CNTNAP2: variants seen among roughly 807,000 people sequenced by gnomAD.
The protein encoded by CNTNAP2 is contactin associated protein 2.
In CNTNAP2, 98 loss-of-function variants were observed where a neutral mutation model predicts 155.2. The observed-to-expected ratio is 0.63, with a 90% CI of 0.54 to 0.75. The LOEUF (loss-of-function observed/expected upper bound fraction) is 0.75, where lower values mean the gene tolerates loss of function less well. Among genes scored for constraint, CNTNAP2 ranks in the 30% least tolerant of loss-of-function variants. The probability of loss-of-function intolerance (pLI) is 0.00; values close to 1 mark genes in which losing one functional copy is unlikely to be tolerated. For synonymous variants in CNTNAP2, 651 were observed against 631.2 expected (o/e 1.03, Z -0.47); for missense variants, 1,727 against 1,688.1 (o/e 1.02, Z -0.40).
At chr7:146,757,676 G>A (rs1056270198) in intron 1 of CNTNAP2, among the ~76,000 whole-genome samples, 2 of 152,150 alleles carry the variant, frequency 1.3e-5, no homozygotes, top group Admixed American at 1.3e-4. Flanking sequence ...TCTAAATTCA[G>A]GTTCAGAGGC....
intron 13 of CNTNAP2, among the ~76,000 whole-genome samples, chr7:147,762,477 TA>T (rs1232820507): frequency 6.6e-6 from 1 of 151,816 alleles, no homozygotes; most frequent in Non-Finnish European, 1.5e-5. Flanking sequence ...CGGAGGCAAT[TA>T]GATGCACTCA....
intron 3 of CNTNAP2, among the ~76,000 whole-genome samples, chr7:146,936,778 A>G (rs1796924552): frequency 6.6e-6 from 1 of 152,138 alleles, no homozygotes; most frequent in South Asian, 2.1e-4. Flanking sequence ...CTGAACTGTA[A>G]CCAATCCAGT....
chr7:147,915,301 G>C (rs1245657310), intron 14 of CNTNAP2, among the ~76,000 whole-genome samples: 1 of 152,170 alleles, frequency 6.6e-6, no homozygotes, highest in Non-Finnish European at 1.5e-5. Flanking sequence ...CATACCATTA[G>C]CCCTGTAACC....
At chr7:147,805,175 G>A (rs1186070643) in intron 13 of CNTNAP2, among the ~76,000 whole-genome samples, 3 of 151,672 alleles carry the variant, frequency 2.0e-5, no homozygotes, top group Admixed American at 6.6e-5. Flanking sequence ...AGGTTCAAGC[G>A]ATTCTCCTGC....
intron 10 of CNTNAP2, among the ~76,000 whole-genome samples, chr7:147,408,368 G>A (rs1448130956): frequency 2.0e-5 from 3 of 152,190 alleles, no homozygotes; most frequent in Non-Finnish European, 2.9e-5. Flanking sequence ...ACTTGAGTAC[G>A]TGCAGTAAAC....
intron 19 of CNTNAP2, 109 bp from the exon 20 acceptor site, chr7:148,229,537 A>G: frequency 1.4e-6 from 2 of 1,413,908 alleles, no homozygotes; most frequent in Non-Finnish European, 2.0e-6. Flanking sequence ...AAGAAAGAAA[A>G]GAAAAGAAAG....
At position 147,592,686 on chromosome 7, in the gene CNTNAP2, A is replaced by T. The variant is rs1323313651; in HGVS notation, c.1897+30429A>T. ...TAAAATGATATCTGCAACAAATTAC[A>T]TTCTGCTACAAATCCACATTTTCAC... is the stretch of plus-strand genomic sequence containing the variant. On this transcript the variant is annotated intron_variant, in intron 12 of 23. Transcript: ENST00000361727. Among the ~76,000 whole-genome samples, 4 of 152,194 alleles carry T rather than the reference A, an allele frequency of 2.6e-5. No homozygotes were observed. The East Asian group carries it at 7.7e-4, about 29-fold the overall frequency.
chr7:147,241,800 A>G (rs1803944482), intron 8 of CNTNAP2, among the ~76,000 whole-genome samples: 1 of 152,214 alleles, frequency 6.6e-6, no homozygotes, highest in Non-Finnish European at 1.5e-5. Flanking sequence ...GAATTGCTAG[A>G]TAAAATAAGA....
At chr7:148,112,455 C>T (rs1007503042) in intron 15 of CNTNAP2, among the ~76,000 whole-genome samples, 2 of 143,590 alleles carry the variant, frequency 1.4e-5, no homozygotes, top group African/African-American at 4.9e-5. Flanking sequence ...TAGTGTCTTA[C>T]TGTTGCCCAG....
chr7:146,432,726 T>G (rs74552005), intron 1 of CNTNAP2, among the ~76,000 whole-genome samples: 2,848 of 152,244 alleles, frequency 0.019, 238 homozygotes, highest in Admixed American at 0.15. Context: ...AGAAAAGTGA[T>G]GTTTGTTCCT....
chr7:147,667,118 G>C (rs959969257), intron 13 of CNTNAP2, among the ~76,000 whole-genome samples: 1 of 152,190 alleles, frequency 6.6e-6, no homozygotes, highest in African/African-American at 2.4e-5. Context: ...CTAGCTCTGG[G>C]TGGTTTAAAT....
chr7:146,194,473 A>C (rs1798749122), intron 1 of CNTNAP2, among the ~76,000 whole-genome samples: 2 of 152,150 alleles, frequency 1.3e-5, no homozygotes, highest in Non-Finnish European at 2.9e-5. Flanking sequence ...CACTATCATG[A>C]AAATAGCATG....
At chr7:147,186,245 G>T (rs1278784545) in intron 8 of CNTNAP2, among the ~76,000 whole-genome samples, 1 of 152,112 alleles carries the variant, frequency 6.6e-6, no homozygotes, top group South Asian at 2.1e-4. Flanking sequence ...GACTCAAGAG[G>T]ATTTGTTTAA....
intron 1 of CNTNAP2, among the ~76,000 whole-genome samples, chr7:146,341,552 T>C (rs1794727590): frequency 6.6e-6 from 1 of 152,160 alleles, no homozygotes; most frequent in South Asian, 2.1e-4. Flanking sequence ...ATCGTGCTGC[T>C]ATACAAGTAA....
chr7:147,841,328 T>C (rs1798727241), intron 13 of CNTNAP2, among the ~76,000 whole-genome samples: 1 of 152,200 alleles, frequency 6.6e-6, no homozygotes, highest in Non-Finnish European at 1.5e-5. Flanking sequence ...TATCACAGCA[T>C]TTGCCAGATC....
chr7:147,392,052 T>C (rs935630931), intron 9 of CNTNAP2, among the ~76,000 whole-genome samples: 1 of 152,154 alleles, frequency 6.6e-6, no homozygotes, highest in Admixed American at 6.6e-5. Context: ...AGCTAGATTA[T>C]ACAATTTCAT....
At chr7:148,291,035 G>A (rs939844550) in intron 21 of CNTNAP2, among the ~76,000 whole-genome samples, 1 of 152,094 alleles carries the variant, frequency 6.6e-6, no homozygotes. Context: ...ATTGACCGGC[G>A]CAAGTCAGAA....
At chr7:148,157,582 A>AAAAAAAAAAAAG (rs1430487593) in intron 17 of CNTNAP2, among the ~76,000 whole-genome samples, 2 of 151,738 alleles carry the variant, frequency 1.3e-5, no homozygotes, top group African/African-American at 2.4e-5. Context: ...AAAAAAAAAA[A>AAAAAAAAAAAAG]AAAAGTCACA....
chr7:148,054,633 C>A (rs10252980), intron 15 of CNTNAP2, among the ~76,000 whole-genome samples: 1 of 151,556 alleles, frequency 6.6e-6, no homozygotes, highest in African/African-American at 2.4e-5. Flanking sequence ...GAGGCCAACT[C>A]TTTTCCTTTA....
Sources: allele counts gnomAD v4.1 joint callset (sites outside exome capture counted in the v4.1 genomes callset), GRCh38; gene constraint gnomAD v4.1.1; transcripts MANE v1.5; gene names NCBI Gene and HGNC (gene_info 2026-07-23, HGNC 2026-07-21).